STK40: variants seen among roughly 807,000 people sequenced by gnomAD.
STK40 encodes the protein serine/threonine kinase 40.
In STK40, 13 loss-of-function variants were observed where a neutral mutation model predicts 47.9. The ratio of observed to expected loss-of-function variants is 0.27; its 90% confidence interval spans 0.18 to 0.43. The LOEUF is 0.43. Among genes scored for constraint, STK40 ranks in the 20% least tolerant of loss-of-function variants. The pLI, the probability that STK40 is intolerant of heterozygous loss-of-function variation, is 1.00. For synonymous variants in STK40, 225 were observed against 243.2 expected (o/e 0.93, Z 0.69); for missense variants, 460 against 595.1 (o/e 0.77, Z 2.36).
intron 7 of STK40, among the ~76,000 whole-genome samples, chr1:36,345,800 G>C (rs571870353): frequency 6.6e-6 from 1 of 151,302 alleles, no homozygotes; most frequent in South Asian, 2.1e-4. Context: ...CCCTCAGCCC[G>C]AGCCTCTGTC....
Position 36,343,347 on chromosome 1 carries a change from T to C in STK40, c.1089+17A>G. 6.2e-7 allele frequency: 1 copy of C among 1,608,674 alleles called. No individual in the cohort carries two copies. Reference sequence around the variant, plus strand: ...CCTTGGGGCTGGGTAATGGCCCATCTGCCCTCCCCAACTCACCTCCTGGGA... The same window carrying C: ...CCTTGGGGCTGGGTAATGGCCCATCCGCCCTCCCCAACTCACCTCCTGGGA... On this transcript the variant is annotated intron_variant, in intron 10 of 10. Coordinates refer to ENST00000373132, the MANE Select transcript of STK40 (RefSeq NM_001282547.2).
chr1:36,352,189 C>T (rs1433604531), intron 6 of STK40, among the ~76,000 whole-genome samples: 2 of 152,172 alleles, frequency 1.3e-5, no homozygotes, highest in African/African-American at 2.4e-5. Context: ...GGGGTGTCCT[C>T]GTTGGCCACT....
At chr1:36,366,550 A>G (rs1646903839) in intron 1 of STK40, among the ~76,000 whole-genome samples, 2 of 151,980 alleles carry the variant, frequency 1.3e-5, no homozygotes, top group African/African-American at 4.8e-5. Context: ...TCCCTGCCCC[A>G]TCCTCCAATC....
At chr1:36,353,268 T>C (rs1225486801) in intron 6 of STK40, among the ~76,000 whole-genome samples, 4 of 152,326 alleles carry the variant, frequency 2.6e-5, no homozygotes, top group East Asian at 1.9e-4. Context: ...GGGGGAGATG[T>C]GCCCTTCTCA....
chr1:36,384,651 C>T (rs1228983549), intron 1 of STK40, among the ~76,000 whole-genome samples: 1 of 152,238 alleles, frequency 6.6e-6, no homozygotes, highest in African/African-American at 2.4e-5. Flanking sequence ...ACTATGCTGT[C>T]TAGCACTTGC....
intron 1 of STK40, chr1:36,367,804 C>T: frequency 1.0e-6 from 1 of 985,924 alleles, no homozygotes; most frequent in Non-Finnish European, 1.2e-6. Context: ...TGAGAAGCAT[C>T]CCCACAGGCA....
rs76718491 is a variant in STK40, at chr1:36,362,367, T to A, written c.-8-1027A>T. On this transcript the variant is annotated intron_variant, in intron 1 of 10. Transcript: ENST00000373132. ...GTGTGGGTGCAGGGCTCCGGGAAAATTTCCCTAAGGATACAGGAGTGGGCC... is the reference window on the plus strand; with the variant it reads ...GTGTGGGTGCAGGGCTCCGGGAAAAATTCCCTAAGGATACAGGAGTGGGCC... Among the ~76,000 whole-genome samples, 835 of 152,112 alleles carry A rather than the reference T, an allele frequency of 5.5e-3. 4 individuals are homozygous for A. The highest frequency in any genetic ancestry group is 0.019 in the African/African-American group (801 of 41,478).
At chr1:36,375,957 G>A (rs1646988710) in intron 1 of STK40, among the ~76,000 whole-genome samples, 1 of 152,146 alleles carries the variant, frequency 6.6e-6, no homozygotes, top group Admixed American at 6.5e-5. Flanking sequence ...CAGAGGCGTA[G>A]GCTGCAGTGC....
At chr1:36,364,814 C>A (rs770806141) in intron 1 of STK40, among the ~76,000 whole-genome samples, 2 of 151,906 alleles carry the variant, frequency 1.3e-5, no homozygotes, top group African/African-American at 2.4e-5. Context: ...ATAACATTTA[C>A]ATTTTTTAAA....
intron 7 of STK40, among the ~76,000 whole-genome samples, chr1:36,345,991 A>ATATATATATTTT: frequency 3.8e-5 from 1 of 26,464 alleles, no homozygotes; most frequent in African/African-American, 1.4e-4. Flanking sequence ...ATATATATAT[A>ATATATATATTTT]TTTTTTTTTT....
At chr1:36,373,148 C>T (rs528543618) in intron 1 of STK40, among the ~76,000 whole-genome samples, 200 of 152,250 alleles carry the variant, frequency 1.3e-3, no homozygotes, top group African/African-American at 4.7e-3. Flanking sequence ...GCCTCAGTTT[C>T]CTCATCTGTA....
Position 36,367,865 on chromosome 1 carries a change from A to G in STK40, c.-8-6525T>C, listed in dbSNP as rs188813895. 3.3e-4 allele frequency: 323 copies of G among 985,584 alleles called. 2 individuals carry two copies. In the African/African-American group the frequency reaches 4.7e-3, roughly 14 times the overall value. The allele number at this position is 985,584 out of a possible 1,614,324, so 61.1% of individuals were successfully genotyped here. A position where few individuals can be genotyped will look rare whatever the true frequency, so the allele number is the denominator to read the frequency against. On this transcript the variant is annotated intron_variant, in intron 1 of 10. Coordinates refer to ENST00000373132, the MANE Select transcript of STK40 (RefSeq NM_001282547.2). ...GCAATTACCTACTTGACATACAGTA[A>G]GGGACTGTCCAGGATGAAGAGTCCG... is the stretch of plus-strand genomic sequence containing the variant.
At chr1:36,361,493 A>G (rs1271277229) in intron 1 of STK40, among the ~76,000 whole-genome samples, 153 bp from the exon 2 acceptor site, 1 of 152,230 alleles carries the variant, frequency 6.6e-6, no homozygotes, top group Non-Finnish European at 1.5e-5. Flanking sequence ...CAAGGCTCCA[A>G]GTGACAAAGA....
At chr1:36,353,310 A>G (rs1646775776) in intron 6 of STK40, among the ~76,000 whole-genome samples, 3 of 152,250 alleles carry the variant, frequency 2.0e-5, no homozygotes, top group Admixed American at 1.3e-4. Context: ...GGTAGCCCAC[A>G]GAGTGGGCCC....
chr1:36,352,162 C>T (rs2124731474), intron 6 of STK40, among the ~76,000 whole-genome samples: 1 of 152,292 alleles, frequency 6.6e-6, no homozygotes, highest in African/African-American at 2.4e-5. Context: ...GGCTGGGGGA[C>T]CGCTGGGCCC....
At chr1:36,349,404 A>G (rs909714655) in intron 6 of STK40, among the ~76,000 whole-genome samples, 1 of 152,224 alleles carries the variant, frequency 6.6e-6, no homozygotes, top group African/African-American at 2.4e-5. Flanking sequence ...TTCAGATGAT[A>G]CAACAAAGGC....
intron 6 of STK40, 90 bp from the exon 7 acceptor site, chr1:36,348,905 C>A (rs767481882): frequency 9.1e-7 from 1 of 1,101,290 alleles, no homozygotes; most frequent in Non-Finnish European, 1.3e-6. Flanking sequence ...TGGGCCAACA[C>A]CCAATCCTGA....
At chr1:36,385,366 G>C (rs1464068457) in intron 1 of STK40, among the ~76,000 whole-genome samples, 2 of 152,248 alleles carry the variant, frequency 1.3e-5, no homozygotes, top group Non-Finnish European at 2.9e-5. Flanking sequence ...GGGATTAGGA[G>C]GGAAACACGG....
chr1:36,371,786 A>C (rs1646950469), intron 1 of STK40, among the ~76,000 whole-genome samples: 1 of 150,940 alleles, frequency 6.6e-6, no homozygotes, highest in Non-Finnish European at 1.5e-5. Flanking sequence ...ACCTGAGGTC[A>C]GGAGTTCGAG....
Sources: gnomAD v4.1 joint callset for allele counts (sites outside exome capture counted in the v4.1 genomes callset) on GRCh38, gnomAD v4.1.1 for gene constraint, MANE v1.5 for transcripts, NCBI Gene and HGNC (gene_info 2026-07-23, HGNC 2026-07-21) for gene names.